ATP6V0E1: variants seen among roughly 807,000 people sequenced by gnomAD.
ATP6V0E1 encodes the protein ATPase H+ transporting V0 subunit e1, also known as V-type proton ATPase subunit e 1.
In ATP6V0E1, 4 loss-of-function variants were observed where a neutral mutation model predicts 11.6. The observed-to-expected ratio is 0.35, with a 90% confidence interval of 0.17 to 0.79. The LOEUF is 0.79. ATP6V0E1 is among the 30% of genes least tolerant of loss of function. ATP6V0E1 has a pLI of 0.54. For missense variants in ATP6V0E1, 105 were observed against 100.0 expected, an observed-to-expected ratio of 1.05 and a Z score of -0.21; for synonymous variants, 36 against 34.8, an observed-to-expected ratio of 1.04 and a Z score of -0.13.
chr5:173,020,642 C>A (rs189365736), intron 3 of ATP6V0E1: 9 of 530,386 alleles, frequency 1.7e-5, no homozygotes, highest in Admixed American at 9.9e-5. Flanking sequence ...AGACGCAGAT[C>A]AAAAAAGTAA....
chr5:173,014,259 A>G (rs760868878), intron 2 of ATP6V0E1, among the ~76,000 whole-genome samples: 1 of 152,090 alleles, frequency 6.6e-6, no homozygotes, highest in Non-Finnish European at 1.5e-5. Flanking sequence ...GTAAATTAGT[A>G]TAGAAAATGG....
At chr5:172,984,032 G>T (rs1442535315) in intron 1 of ATP6V0E1, 68 bp downstream of exon 1, 2 of 1,468,924 alleles carry the variant, frequency 1.4e-6, no homozygotes, top group Non-Finnish European at 1.9e-6. Flanking sequence ...GCGGGGAAAG[G>T]CACGACCCCC....
chr5:173,002,152 A>C (rs1179213155), intron 2 of ATP6V0E1, among the ~76,000 whole-genome samples: 1 of 152,228 alleles, frequency 6.6e-6, no homozygotes, highest in Non-Finnish European at 1.5e-5. Context: ...CAAATCCCAG[A>C]CATATCAGTT....
At chr5:173,010,009 G>C (rs1406572686) in intron 2 of ATP6V0E1, among the ~76,000 whole-genome samples, 1 of 149,994 alleles carries the variant, frequency 6.7e-6, no homozygotes, top group Non-Finnish European at 1.5e-5. Context: ...TGATCTGCCT[G>C]CCTTGGCCTC....
chr5:173,001,816 T>G (rs1427514640), intron 2 of ATP6V0E1, among the ~76,000 whole-genome samples: 1 of 151,896 alleles, frequency 6.6e-6, no homozygotes, highest in Non-Finnish European at 1.5e-5. Flanking sequence ...CCACCCAGTT[T>G]CAAGTGATTC....
At chr5:173,010,874 C>A (rs1756310145) in intron 2 of ATP6V0E1, among the ~76,000 whole-genome samples, 1 of 152,166 alleles carries the variant, frequency 6.6e-6, no homozygotes, top group Admixed American at 6.6e-5. Flanking sequence ...AACAGAAGAA[C>A]AAAGCAGGGC....
intron 3 of ATP6V0E1, among the ~76,000 whole-genome samples, chr5:173,023,476 G>A (rs1305100679): frequency 1.3e-5 from 2 of 152,216 alleles, no homozygotes; most frequent in East Asian, 1.9e-4. Context: ...GATTATAGGC[G>A]TAAGCCACCA....
chr5:173,031,806 G>T, intron 3 of ATP6V0E1, among the ~76,000 whole-genome samples: 1 of 142,150 alleles, frequency 7.0e-6, no homozygotes, highest in African/African-American at 2.7e-5. Context: ...CTGGGCGAGA[G>T]AGCGAGACTC....
At chr5:173,027,868 T>G (rs1756587325) in intron 3 of ATP6V0E1, among the ~76,000 whole-genome samples, 1 of 152,194 alleles carries the variant, frequency 6.6e-6, no homozygotes, top group African/African-American at 2.4e-5. Context: ...GCTGAGAACT[T>G]CAGGCCTCAG....
chr5:172,984,461 T>C (rs1481392030), intron 1 of ATP6V0E1, among the ~76,000 whole-genome samples: 1 of 152,162 alleles, frequency 6.6e-6, no homozygotes, highest in Admixed American at 6.5e-5. Flanking sequence ...TTGCATCTAG[T>C]GGGCGCCAGG....
At chr5:173,031,351 T>G (rs1756648952) in intron 3 of ATP6V0E1, among the ~76,000 whole-genome samples, 1 of 150,474 alleles carries the variant, frequency 6.6e-6, no homozygotes, top group South Asian at 2.2e-4. Context: ...CCCAAAGTAC[T>G]GGGATTACAG....
intron 1 of ATP6V0E1, among the ~76,000 whole-genome samples, chr5:172,984,907 CAATA>C (rs1486894989): frequency 6.6e-6 from 1 of 152,144 alleles, no homozygotes; most frequent in Non-Finnish European, 1.5e-5. Flanking sequence ...AGGAGGCACC[CAATA>C]AATACCTGTT....
intron 3 of ATP6V0E1, among the ~76,000 whole-genome samples, chr5:173,032,543 G>A (rs1364928934): frequency 2.0e-5 from 3 of 151,890 alleles, no homozygotes; most frequent in African/African-American, 7.3e-5. Context: ...CACCTGCCTC[G>A]GCCTCCCAAA....
chr5:173,003,416 CTAAA>C (rs1756187941), intron 2 of ATP6V0E1, among the ~76,000 whole-genome samples: 1 of 152,110 alleles, frequency 6.6e-6, no homozygotes, highest in Non-Finnish European at 1.5e-5. Flanking sequence ...TCTGCTGACA[CTAAA>C]TAAGGAGTTT....
chr5:173,024,197 CAA>C (rs56837002), intron 3 of ATP6V0E1, among the ~76,000 whole-genome samples: 18 of 73,470 alleles, frequency 2.4e-4, no homozygotes, highest in Non-Finnish European at 4.2e-4. Flanking sequence ...GACTCCGTCT[CAA>C]AAAAAAAAAA....
chr5:172,999,581 C>T (rs968183637), intron 2 of ATP6V0E1, among the ~76,000 whole-genome samples: 1 of 152,222 alleles, frequency 6.6e-6, no homozygotes, highest in African/African-American at 2.4e-5. Context: ...CTCACCTCAG[C>T]CTTCCAAAGT....
chr5:172,983,772 C>T lies in ATP6V0E1; in HGVS notation c.-89C>T, dbSNP rs1581621480. On this transcript the variant is annotated 5_prime_UTR_variant, in exon 1 of 4. Coordinates refer to ENST00000519374, the MANE Select transcript of ATP6V0E1 (RefSeq NM_003945.4). ...GTGGGGGCGCGGGAGGCGGGGCTTG[C>T]ACACGCTGGTCACGCGGTCAGCTAT... The T allele has an allele frequency of 2.3e-6, 3 of 1,329,504 alleles. No homozygotes were observed. The highest frequency in any genetic ancestry group is 2.4e-5 in the South Asian group (2 of 84,368). The allele number at this position is 1,329,504 out of a possible 1,614,324, so 82.4% of individuals were successfully genotyped here.
intron 2 of ATP6V0E1, among the ~76,000 whole-genome samples, chr5:172,996,701 A>G (rs1412626817): frequency 6.6e-6 from 1 of 152,228 alleles, no homozygotes; most frequent in Admixed American, 6.5e-5. Context: ...CCTCTATAGA[A>G]GCATCTGTCT....
At chr5:173,015,770 A>G (rs1321845622) in intron 2 of ATP6V0E1, among the ~76,000 whole-genome samples, 1 of 152,204 alleles carries the variant, frequency 6.6e-6, no homozygotes, top group African/African-American at 2.4e-5. Context: ...TCTGTCATCC[A>G]GGCTAAAGTG....
Sources: gnomAD v4.1 joint callset for allele counts (sites outside exome capture counted in the v4.1 genomes callset) on GRCh38, gnomAD v4.1.1 for gene constraint, MANE v1.5 for transcripts, NCBI Gene and HGNC (gene_info 2026-07-23, HGNC 2026-07-21) for gene names.